PHC2: variants seen among roughly 807,000 people sequenced by gnomAD.
PHC2 encodes the protein polyhomeotic homolog 2.
In PHC2, 29 loss-of-function variants were observed where a neutral mutation model predicts 87.4. The ratio of observed to expected loss-of-function variants is 0.33; its 90% CI spans 0.25 to 0.45. PHC2 has a LOEUF of 0.45. Among genes scored for constraint, PHC2 ranks in the 20% least tolerant of loss-of-function variants. PHC2 has a pLI of 1.00. For missense variants in PHC2, 857 were observed against 1,136.7 expected, an observed-to-expected ratio of 0.75 and a Z score of 3.54; for synonymous variants, 438 against 461.7, an observed-to-expected ratio of 0.95 and a Z score of 0.66.
intron 1 of PHC2, among the ~76,000 whole-genome samples, chr1:33,405,105 T>G (rs920175168): frequency 5.3e-5 from 8 of 152,208 alleles, no homozygotes; most frequent in African/African-American, 1.7e-4. Flanking sequence ...TCGGCAGTGA[T>G]GTCTTCCTTT....
At chr1:33,360,853 T>C (rs2148301568) in intron 7 of PHC2, among the ~76,000 whole-genome samples, 1 of 152,340 alleles carries the variant, frequency 6.6e-6, no homozygotes, top group South Asian at 2.1e-4. Context: ...AGGTGAGGCA[T>C]GGTGCCTTGC....
chr1:33,393,341 C>G (rs1193127693), intron 1 of PHC2, among the ~76,000 whole-genome samples: 1 of 152,146 alleles, frequency 6.6e-6, no homozygotes, highest in African/African-American at 2.4e-5. Context: ...GATTTAGAAG[C>G]CTCATCTGTG....
intron 1 of PHC2, among the ~76,000 whole-genome samples, chr1:33,385,491 T>C (rs898665981): frequency 2.6e-5 from 4 of 152,212 alleles, no homozygotes; most frequent in Admixed American, 1.3e-4. Flanking sequence ...CTCTGTAAAA[T>C]GGACAAGAGT....
chr1:33,380,276 T>C (rs1201969704), intron 1 of PHC2, among the ~76,000 whole-genome samples: 1 of 152,238 alleles, frequency 6.6e-6, no homozygotes, highest in Non-Finnish European at 1.5e-5. Flanking sequence ...TTCCCAGAAC[T>C]TTCTCATTAC....
intron 1 of PHC2, among the ~76,000 whole-genome samples, chr1:33,390,865 C>A (rs1446588966): frequency 6.6e-6 from 1 of 151,962 alleles, no homozygotes; most frequent in Admixed American, 6.5e-5. Context: ...GGATTTGGCC[C>A]TTGGTTTATG....
Position 33,367,330 on chromosome 1 carries a change from G to T in PHC2, c.762C>A (p.Pro254=). 4.3e-6 allele frequency: 7 copies of T among 1,613,458 alleles called. No individual in the cohort carries two copies. The highest frequency in any genetic ancestry group is 5.9e-6 in the Non-Finnish European group (7 of 1,179,548). ...QPVLPSLALK[P]TPGGSQPLPT... ...GCAGAGGCTGGCTACCGCCCGGCGT[G>T]GGTTTCAGGGCCAAGCTGGGCAGGA... is the stretch of plus-strand genomic sequence containing the variant. The change falls in exon 7 of 15, where the codon CCC becomes CCA. Residue 254 remains proline (P), a synonymous_variant. Coordinates refer to ENST00000683057, the MANE Select transcript of PHC2 (RefSeq NM_001385109.1).
Position 33,325,475 on chromosome 1 carries a change from G to A in PHC2, c.2426-456C>T, listed in dbSNP as rs148386381. The stretch of plus-strand genomic sequence containing the variant: ...CCTGGTGGTCCCCGGCCTCCTTGCC[G>A]TGTGAGTGAACCGTGCTGGAAGTGG... On this transcript the variant is annotated intron_variant, in intron 14 of 14. Coordinates refer to ENST00000683057, the MANE Select transcript of PHC2 (RefSeq NM_001385109.1). 1,263 of 193,188 alleles carry A rather than the reference G, an allele frequency of 6.5e-3. 6 individuals are homozygous for A. Among genetic ancestry groups the A allele is most frequent in the Non-Finnish European group, 9.2e-3 (844 of 91,338 alleles). 12.0% of individuals were successfully genotyped at this position (193,188 alleles called of 1,614,324 possible).
rs1348595929 is a variant in PHC2 at position 33,334,090 on chromosome 1, C to T, written c.1761G>A (p.Pro587=). The T allele has an allele frequency of 2.5e-6, 4 of 1,600,382 alleles. No homozygotes were observed. Among genetic ancestry groups the T allele is most frequent in the Non-Finnish European group, 3.4e-6 (4 of 1,175,496 alleles). The change falls in exon 10 of 15, where the codon CCG becomes CCA. Residue 587 remains proline (P), a splice_region_variant and synonymous_variant. Transcript: ENST00000683057. This position sits in a 1 kb window ranked among gnomAD's most constrained non-coding sequence, Gnocchi z 5.5. The part of the protein sequence containing the change: ...FVIQEGAEPF[P]VGRSSLLVGN... The stretch of plus-strand genomic sequence containing the variant: ...AAAGGGGAAAAGAAGTAGTCCGTAC[C>T]GGGAAAGGCTCCGCCCCCTCCTGGA...
intron 1 of PHC2, among the ~76,000 whole-genome samples, chr1:33,418,132 A>G (rs904025954): frequency 6.6e-6 from 1 of 152,192 alleles, no homozygotes; most frequent in African/African-American, 2.4e-5. Context: ...AGAAGAAGAA[A>G]GATCTCAAAT....
At chr1:33,352,162 T>C (rs954775618) in intron 9 of PHC2, among the ~76,000 whole-genome samples, 14 of 152,074 alleles carry the variant, frequency 9.2e-5, no homozygotes, top group Non-Finnish European at 1.9e-4. Flanking sequence ...CATTTAGGGG[T>C]TTCTGGATTA....
intron 1 of PHC2, among the ~76,000 whole-genome samples, chr1:33,400,992 G>C (rs183349359): frequency 5.3e-5 from 8 of 152,180 alleles, no homozygotes; most frequent in East Asian, 1.9e-4. Flanking sequence ...AAGGTTAACA[G>C]ACTCCAGTAC....
chr1:33,410,381 A>G (rs994415648), intron 1 of PHC2, among the ~76,000 whole-genome samples: 8 of 152,240 alleles, frequency 5.3e-5, no homozygotes, highest in Non-Finnish European at 1.0e-4. Flanking sequence ...ACAGAGCTAA[A>G]GAATGGGCTA....
chr1:33,388,341 T>C lies in PHC2; in HGVS notation c.-54-12748A>G, dbSNP rs1040668549. Among the ~76,000 whole-genome samples, 38 of 150,118 alleles carry C rather than the reference T, an allele frequency of 2.5e-4. No homozygotes were observed. The East Asian group carries it at 5.8e-3, about 23-fold the overall frequency. On this transcript the variant is annotated intron_variant, in intron 1 of 14. Transcript: ENST00000683057. ...CAATTTTTTTTTTTTTTTTTTTTTT[T>C]AGACAGAGTTTTGCTCTTGTTGCCC...
rs992601457 is a variant in PHC2 at position 33,368,366 on chromosome 1, T to C, written c.663+170A>G. 3.3e-5 allele frequency among the ~76,000 whole-genome samples: 5 copies of C among 152,234 alleles called. No homozygotes were observed. Among genetic ancestry groups the C allele is most frequent in the African/African-American group, 1.2e-4 (5 of 41,458 alleles). On this transcript the variant is annotated intron_variant, in intron 6 of 14. Transcript: ENST00000683057. The surrounding 1 kb of genome is among the most constrained non-coding windows in gnomAD (Gnocchi z 6.6). ...GGAACGAAACAGAGCCAGGAGGGAC[T>C]GAGGCCTTCTGGAACAGGGTAGACG...
chr1:33,381,644 C>T lies in PHC2; in HGVS notation c.-54-6051G>A, dbSNP rs1476195669. 2.6e-5 allele frequency among the ~76,000 whole-genome samples: 4 copies of T among 151,342 alleles called. 1 individual carries two copies. The highest frequency in any genetic ancestry group is 2.0e-4 in the Admixed American group (3 of 15,130). On this transcript the variant is annotated intron_variant, in intron 1 of 14. Transcript: ENST00000683057. ...CCGACTCCAAAGCCAGAGCGCTTCC[C>T]ATGATCCTCTCTGCAACTTCACCTT... is the stretch of plus-strand genomic sequence containing the variant.
At chr1:33,354,172 C>G (rs117276113) in intron 9 of PHC2, among the ~76,000 whole-genome samples, 1 of 152,196 alleles carries the variant, frequency 6.6e-6, no homozygotes, top group African/African-American at 2.4e-5. Flanking sequence ...GTGTCTGGCT[C>G]TAGAACTTTC....
chr1:33,341,206 A>T (rs1440348531), intron 9 of PHC2, among the ~76,000 whole-genome samples: 1 of 152,210 alleles, frequency 6.6e-6, no homozygotes, highest in Non-Finnish European at 1.5e-5. Context: ...AAATAATGTA[A>T]TGCAGGCACA....
In PHC2 at chr1:33,335,827, G is replaced by C. The variant is rs1004296618; in HGVS notation, c.1559-1535C>G. Among the ~76,000 whole-genome samples the C allele has an allele frequency of 4.6e-5, 7 of 151,840 alleles. No homozygotes were observed. In the South Asian group the frequency reaches 1.0e-3, roughly 23 times the overall value. On this transcript the variant is annotated intron_variant, in intron 9 of 14. Coordinates refer to ENST00000683057, the MANE Select transcript of PHC2 (RefSeq NM_001385109.1). ...AGGCAGGAGAACTGCTTGAACCCAG[G>C]GGGTGGAGGCTGCAGTGAGCTGAGA...
Position 33,325,002 on chromosome 1 carries a change from C to G in PHC2, c.2443G>C (p.Glu815Gln), listed in dbSNP as rs778530221. 2 of 1,612,282 alleles carry G rather than the reference C, an allele frequency of 1.2e-6. No homozygotes were observed. The highest frequency in any genetic ancestry group is 1.7e-6 in the Non-Finnish European group (2 of 1,178,716). ...RSLPGCQEIA[E>Q]EFRAQEIDGQ... ...TCGATTTCCTGGGCACGGAATTCCT[C>G]TGCTATCTCCTGGCAGCCTGAGGGG... Residue 815 changes from glutamate (E) to glutamine (Q), a missense_variant, in exon 15 of 15, where the codon GAG (glutamate) becomes CAG (glutamine). Physicochemically the swap from Glu to Gln is conservative, Grantham distance 29. Coordinates refer to ENST00000683057, the MANE Select transcript of PHC2 (RefSeq NM_001385109.1).
Sources: gnomAD v4.1 joint callset for allele counts (sites outside exome capture counted in the v4.1 genomes callset) on GRCh38, gnomAD v4.1.1 for gene constraint, Gnocchi (gnomAD v3.1) non-coding constraint, MANE v1.5 for transcripts, NCBI Gene and HGNC (gene_info 2026-07-23, HGNC 2026-07-21) for gene names.